The following CYP4A22 variants were observed in gnomAD, a reference collection of about 807,000 sequenced individuals.
CYP4A22 encodes cytochrome P450 4A22.
CYP4A22 carries 46 observed loss-of-function variants against 56.2 expected under a neutral mutation model. That is an observed-to-expected ratio of 0.82 (90% CI 0.65 to 1.05). CYP4A22 has a LOEUF of 1.05. CYP4A22 is among the 50% of genes least tolerant of loss of function. The pLI is 0.00. For synonymous variants in CYP4A22, 193 were observed against 251.1 expected, an observed-to-expected ratio of 0.77 and a Z score of 2.19; for missense variants, 541 against 645.9, an observed-to-expected ratio of 0.84 and a Z score of 1.76.
intron 11 of CYP4A22, chr1:47,146,731 A>T: frequency 1.0e-6 from 1 of 988,942 alleles, no homozygotes; most frequent in Non-Finnish European, 1.2e-6. Context: ...TGTGTGTCAT[A>T]TCATACATTT....
rs747347393 is a variant in CYP4A22 at position 47,142,093 on chromosome 1, T to A, written c.383-15T>A. The stretch of plus-strand genomic sequence containing the variant: ...CTCTGATACACACACATACACATAT[T>A]CGTGTCTACCTTAGGGTACGGCTTG... On this transcript the variant is annotated splice_polypyrimidine_tract_variant and intron_variant, in intron 3 of 11. Coordinates refer to ENST00000371891, the MANE Select transcript of CYP4A22 (RefSeq NM_001010969.4). 2 of 1,609,994 alleles carry A rather than the reference T, an allele frequency of 1.2e-6. No individual in the cohort carries two copies. The highest frequency in any genetic ancestry group is 1.7e-6 in the Non-Finnish European group (2 of 1,177,772).
At position 47,144,819 on chromosome 1, in the gene CYP4A22, A is replaced by G. The variant is rs371808588; in HGVS notation, c.1089-18A>G. ...GTCTGCCCAGGCCTTGCTGGTGTTC[A>G]GGATGGAATTGTTTCAGGAACCACC... is the stretch of plus-strand genomic sequence containing the variant. On this transcript the variant is annotated intron_variant, in intron 8 of 11. Coordinates refer to ENST00000371891, the MANE Select transcript of CYP4A22 (RefSeq NM_001010969.4). 111 of 1,613,102 alleles carry G rather than the reference A, an allele frequency of 6.9e-5. No individual in the cohort carries two copies. In the African/African-American group the frequency reaches 1.4e-3, roughly 20 times the overall value.
At chr1:47,144,798 G>T (rs1336905667) in intron 8 of CYP4A22, 39 bp from the exon 9 acceptor site, 1 of 1,612,246 alleles carries the variant, frequency 6.2e-7, no homozygotes, top group East Asian at 2.2e-5. Context: ...CCCCTGGTCT[G>T]CCCAGGCCTT....
In CYP4A22 at chr1:47,142,264, C is replaced by A. The variant is rs747687099; in HGVS notation, c.510+29C>A. The A allele has an allele frequency of 5.7e-6, 9 of 1,566,820 alleles. No homozygotes were observed. The East Asian group carries it at 1.6e-4, about 28-fold the overall frequency. On this transcript the variant is annotated intron_variant, in intron 4 of 11. Transcript: ENST00000371891. ...AGTCCATGTCTCTCTCCTCTCCCCA[C>A]ACCCACTCACAGCACACACTCTCAC... is the stretch of plus-strand genomic sequence containing the variant.
In CYP4A22 at chr1:47,137,495, T is replaced by G. The variant is rs1251560374; in HGVS notation, c.10T>G (p.Ser4Ala). 6.2e-7 allele frequency: 1 copy of G among 1,612,772 alleles called. No homozygotes were observed. The highest frequency in any genetic ancestry group is 1.1e-5 in the South Asian group (1 of 90,854). Residue 4 changes from serine to alanine, a missense_variant, in exon 1 of 12, where the codon TCT (serine) becomes GCT (alanine). By Grantham distance (99) the Ser-to-Ala change is moderately conservative. Around this residue, in one of 3 missense-constraint regions of CYP4A22, gnomAD observed 335 missense variants for 361.2 expected, o/e 0.93. Transcript: ENST00000371891. ...CAGCAGGTGCTGCACCATGAGTGTCTCTGTCCTGAGCCCCAGCAGACGCCT... is the reference window on the plus strand; with the variant it reads ...CAGCAGGTGCTGCACCATGAGTGTCGCTGTCCTGAGCCCCAGCAGACGCCT... Reference protein sequence around the residue: MSVSVLSPSRRLGG... With the variant: MSVAVLSPSRRLGG...
rs759294988 is a variant in CYP4A22 at position 47,145,863 on chromosome 1, C to T, written c.1223-3C>T. ...TTCTCTCTCTTTCCAACCTGCACCA[C>T]AGGTATCATGGTCCTCCTCTCCATT... On this transcript the variant is annotated splice_region_variant and splice_polypyrimidine_tract_variant and intron_variant, in intron 9 of 11. Transcript: ENST00000371891. The T allele has an allele frequency of 2.5e-6, 4 of 1,614,192 alleles. No homozygotes were observed. Among genetic ancestry groups the T allele is most frequent in the Non-Finnish European group, 3.4e-6 (4 of 1,180,022 alleles).
chr1:47,141,811 A>C (rs2148555448), intron 3 of CYP4A22, among the ~76,000 whole-genome samples, 196 bp downstream of exon 3: 1 of 152,120 alleles, frequency 6.6e-6, no homozygotes, highest in Non-Finnish European at 1.5e-5. Flanking sequence ...AGCTTCTTCC[A>C]TTTCATGTCT....
rs571780907 is a variant in CYP4A22 at position 47,146,944 on chromosome 1, C to T, written c.1364+791C>T. The T allele has an allele frequency of 3.2e-4, 312 of 985,372 alleles. 1 individual carries two copies. In the Middle Eastern group the frequency reaches 4.2e-3, roughly 13 times the overall value. 61.0% of individuals were successfully genotyped at this position (985,372 alleles called of 1,614,324 possible). Reference sequence around the variant, plus strand: ...GAAAAGCCCAATAATTATCATATAACGCACAACATTTGAAGCCTCCTGGTA... The same window carrying T: ...GAAAAGCCCAATAATTATCATATAATGCACAACATTTGAAGCCTCCTGGTA... On this transcript the variant is annotated intron_variant, in intron 11 of 11. Coordinates refer to ENST00000371891, the MANE Select transcript of CYP4A22 (RefSeq NM_001010969.4).
At chr1:47,138,839 G>A (rs1644975148) in intron 1 of CYP4A22, among the ~76,000 whole-genome samples, 1 of 152,218 alleles carries the variant, frequency 6.6e-6, no homozygotes, top group Non-Finnish European at 1.5e-5. Context: ...CATGGGGAGA[G>A]GGGCGGGTAG....
rs2148555773 is a variant in CYP4A22, at chr1:47,142,145, C to T, written c.420C>T (p.Phe140=). Reference sequence around the variant, plus strand: ...TCCTGTTGAATGGGCAGACATGGTTCCAGCATCGACGGATGCTGACCCCAG... The same window carrying T: ...TCCTGTTGAATGGGCAGACATGGTTTCAGCATCGACGGATGCTGACCCCAG... The part of the protein sequence containing the change: ...GLLLLNGQTW[F]QHRRMLTPAF... Residue 140 remains phenylalanine, a synonymous_variant, in exon 4 of 12, where the codon TTC becomes TTT. Coordinates refer to ENST00000371891, the MANE Select transcript of CYP4A22 (RefSeq NM_001010969.4). The T allele has an allele frequency of 6.2e-7, 1 of 1,613,796 alleles. No individual in the cohort carries two copies. Among genetic ancestry groups the T allele is most frequent in the Non-Finnish European group, 8.5e-7 (1 of 1,179,876 alleles).
At chr1:47,142,079 A>C in intron 3 of CYP4A22, 29 bp from the exon 4 acceptor site, 1 of 1,601,158 alleles carries the variant, frequency 6.2e-7, no homozygotes, top group Non-Finnish European at 8.5e-7. Context: ...TCTGATACAC[A>C]CACATACACA....
Position 47,141,614 on chromosome 1 carries a change from T to C in CYP4A22, c.381T>C (p.Ile127=). The change falls in exon 3 of 12, where the codon ATT becomes ATC. Residue 127 remains isoleucine (I), a splice_region_variant and synonymous_variant. Transcript: ENST00000371891. ...HGSYKFLAPR[I]GYGLLLLNGQ... ...CCTACAAATTCCTGGCTCCACGGAT[T>C]GGTATGTGTGCAAACTAGGACTGCA... 6.2e-7 allele frequency: 1 copy of C among 1,613,842 alleles called. No individual in the cohort carries two copies. The highest frequency in any genetic ancestry group is 8.5e-7 in the Non-Finnish European group (1 of 1,179,788).
chr1:47,141,564 T>C lies in CYP4A22; in HGVS notation c.338-7T>C, dbSNP rs2148555199. ...AGTTTCCTATAAAGCCCTTTCTTAC[T>C]TTTCAGACCCGAAATCCCATGGATC... On this transcript the variant is annotated splice_region_variant and splice_polypyrimidine_tract_variant and intron_variant, in intron 2 of 11. Coordinates refer to ENST00000371891, the MANE Select transcript of CYP4A22 (RefSeq NM_001010969.4). The C allele has an allele frequency of 1.2e-6, 2 of 1,613,534 alleles. No homozygotes were observed. The highest frequency in any genetic ancestry group is 1.7e-6 in the Non-Finnish European group (2 of 1,179,640).
Position 47,146,600 on chromosome 1 carries a change from C to T in CYP4A22, c.1364+447C>T, listed in dbSNP as rs917393521. The T allele has an allele frequency of 2.5e-5, 26 of 1,023,108 alleles. No homozygotes were observed. The East Asian group carries it at 1.5e-3, about 59-fold the overall frequency. 63.4% of individuals were successfully genotyped at this position (1,023,108 alleles called of 1,614,324 possible). On this transcript the variant is annotated intron_variant, in intron 11 of 11. Transcript: ENST00000371891. ...TTCCCTATTTAATTCACTAGTCTGT[C>T]GTAGAGATGAATCATTGAAATCTTT...
chr1:47,145,777 T>C lies in CYP4A22; in HGVS notation c.1223-89T>C. 3.8e-6 allele frequency: 6 copies of C among 1,563,256 alleles called. No individual in the cohort carries two copies. The South Asian group carries it at 7.1e-5, about 18-fold the overall frequency. The stretch of plus-strand genomic sequence containing the variant: ...TGACAATTTATAGAAAGTAGGTGTT[T>C]TGGGCCTTCTTTTGCCCCTGCAGGC... On this transcript the variant is annotated intron_variant, in intron 9 of 11. Coordinates refer to ENST00000371891, the MANE Select transcript of CYP4A22 (RefSeq NM_001010969.4).
chr1:47,144,508 T>A, intron 7 of CYP4A22, 42 bp from the exon 8 acceptor site: 1 of 1,613,958 alleles, frequency 6.2e-7, no homozygotes, highest in African/African-American at 1.3e-5. Context: ...CAGAAGTACA[T>A]AGCAAGAGAC....
At chr1:47,141,252 G>C (rs1645005687) in intron 2 of CYP4A22, among the ~76,000 whole-genome samples, 1 of 152,160 alleles carries the variant, frequency 6.6e-6, no homozygotes, top group South Asian at 2.1e-4. Flanking sequence ...ATTGTTGCCT[G>C]TCCTGGTCAG....
At chr1:47,138,420 G>A (rs1239996361) in intron 1 of CYP4A22, among the ~76,000 whole-genome samples, 1 of 152,178 alleles carries the variant, frequency 6.6e-6, no homozygotes, top group Non-Finnish European at 1.5e-5. Context: ...CACGCACCCA[G>A]ACTGTGAGCT....
chr1:47,147,142 T>A, intron 11 of CYP4A22: 3 of 985,456 alleles, frequency 3.0e-6, no homozygotes, highest in Non-Finnish European at 3.6e-6. Flanking sequence ...ATTATGTGAC[T>A]TCTTCAAATG....
Sources: gnomAD v4.1 joint callset for allele counts (sites outside exome capture counted in the v4.1 genomes callset) on GRCh38, gnomAD v4.1.1 for gene constraint, gnomAD v4.1.1 regional missense constraint, MANE v1.5 for transcripts, NCBI Gene and HGNC (gene_info 2026-07-23, HGNC 2026-07-21) for gene names.